INO80: variants seen among roughly 807,000 people sequenced by gnomAD.
INO80 encodes INO80 complex ATPase subunit.
In INO80, 20 loss-of-function variants were observed where a neutral mutation model predicts 203.4. The observed-to-expected ratio is 0.10, with a 90% CI of 0.07 to 0.14. The LOEUF (loss-of-function observed/expected upper bound fraction) is 0.14, where lower values mean the gene tolerates loss of function less well. Ranked by LOEUF, INO80 falls within the 10% of genes least tolerant of loss-of-function variation. The pLI, the probability that INO80 is intolerant of heterozygous loss-of-function variation, is 1.00. For missense variants in INO80, 1,419 were observed against 1,914.4 expected, an observed-to-expected ratio of 0.74 and a Z score of 4.83; for synonymous variants, 726 against 685.2, an observed-to-expected ratio of 1.06 and a Z score of -0.93.
intron 24 of INO80, among the ~76,000 whole-genome samples, chr15:41,031,091 A>G (rs2044453006): frequency 6.6e-6 from 1 of 152,230 alleles, no homozygotes; most frequent in South Asian, 2.1e-4. Context: ...CAAAATGCTC[A>G]ACATATAGCC....
intron 5 of INO80, among the ~76,000 whole-genome samples, chr15:41,088,799 T>C (rs1264558286): frequency 6.6e-6 from 1 of 152,164 alleles, no homozygotes; most frequent in African/African-American, 2.4e-5. Flanking sequence ...CTGTTAAAAA[T>C]CAAAATTAAA....
intron 26 of INO80, among the ~76,000 whole-genome samples, chr15:41,019,995 G>C (rs1228378644): frequency 6.6e-6 from 1 of 152,226 alleles, no homozygotes; most frequent in East Asian, 1.9e-4. Flanking sequence ...GCTGAGGCAG[G>C]CAGATCACGA....
chr15:41,069,619 G>A lies in INO80; in HGVS notation c.1733C>T (p.Thr578Ile). 6.2e-7 allele frequency: 1 copy of A among 1,612,174 alleles called. No individual in the cohort carries two copies. Among genetic ancestry groups the A allele is most frequent in the Non-Finnish European group, 8.5e-7 (1 of 1,178,884 alleles). Residue 578 changes from threonine (T) to isoleucine (I), a missense_variant, in exon 14 of 36, where the codon ACA becomes ATA. Coordinates refer to ENST00000648947, the MANE Select transcript of INO80 (RefSeq NM_017553.3). ...AAACTCCTGGTGCCAATTGTTAAGT[G>A]TAGACGCAGGTGAAATTATTAAGAA... ...GPFLIISPAS[T>I]LNNWHQEFTR...
chr15:41,091,204 G>C (rs1316320890), intron 5 of INO80, among the ~76,000 whole-genome samples: 1 of 152,108 alleles, frequency 6.6e-6, no homozygotes, highest in African/African-American at 2.4e-5. Context: ...GATTACAGGC[G>C]TGAGTCACTG....
At chr15:41,043,469 T>C (rs2044702436) in intron 24 of INO80, among the ~76,000 whole-genome samples, 1 of 152,174 alleles carries the variant, frequency 6.6e-6, no homozygotes, top group Admixed American at 6.6e-5. Flanking sequence ...TTAATTTGCA[T>C]TACTGATTCC....
intron 28 of INO80, among the ~76,000 whole-genome samples, chr15:41,000,212 G>GAT (rs2043940156): frequency 6.6e-6 from 1 of 152,120 alleles, no homozygotes; most frequent in Non-Finnish European, 1.5e-5. Flanking sequence ...GCTCCTCTCT[G>GAT]ATACCTGCGT....
chr15:41,036,313 G>A (rs923676376), intron 24 of INO80, among the ~76,000 whole-genome samples: 1 of 151,866 alleles, frequency 6.6e-6, no homozygotes, highest in Non-Finnish European at 1.5e-5. Context: ...CTACTACAGG[G>A]GCTAAAATCC....
intron 25 of INO80, among the ~76,000 whole-genome samples, chr15:41,025,477 G>A (rs1407284119): frequency 6.6e-6 from 1 of 152,134 alleles, no homozygotes; most frequent in Non-Finnish European, 1.5e-5. Flanking sequence ...CACTTTGGGA[G>A]GCTTAGGCAG....
chr15:40,986,216 T>C (rs1385472591), intron 31 of INO80, among the ~76,000 whole-genome samples: 1 of 151,982 alleles, frequency 6.6e-6, no homozygotes, highest in East Asian at 1.9e-4. Context: ...GCAAATTCAC[T>C]ACTGCTAAGG....
intron 9 of INO80, among the ~76,000 whole-genome samples, chr15:41,076,770 C>T (rs1411600584): frequency 3.3e-5 from 5 of 151,694 alleles, no homozygotes; most frequent in Non-Finnish European, 5.9e-5. Context: ...TCTAAAATAA[C>T]CTAAGAAAAA....
At chr15:41,105,480 CTG>C (rs1393787896) in intron 1 of INO80, among the ~76,000 whole-genome samples, 1 of 152,080 alleles carries the variant, frequency 6.6e-6, no homozygotes, top group Non-Finnish European at 1.5e-5. Flanking sequence ...TACAAAGAAA[CTG>C]AGCTTAACTA....
chr15:41,082,851 T>C (rs1485502122), intron 7 of INO80, among the ~76,000 whole-genome samples: 1 of 151,948 alleles, frequency 6.6e-6, no homozygotes, highest in South Asian at 2.1e-4. Context: ...TCCACTGCAC[T>C]CCAGCCTGGG....
chr15:41,053,694 ATCTT>A (rs2044928355), intron 19 of INO80, among the ~76,000 whole-genome samples: 1 of 152,206 alleles, frequency 6.6e-6, no homozygotes, highest in South Asian at 2.1e-4. Context: ...TCATTATACT[ATCTT>A]TCTATTTTTG....
intron 7 of INO80, 57 bp downstream of exon 7, chr15:41,085,312 G>C: frequency 7.0e-7 from 1 of 1,432,504 alleles, no homozygotes; most frequent in Non-Finnish European, 9.8e-7. Context: ...TTCCTCTTTA[G>C]TGGGTGGGGA....
At chr15:41,002,481 C>T (rs2043971501) in intron 28 of INO80, among the ~76,000 whole-genome samples, 1 of 152,170 alleles carries the variant, frequency 6.6e-6, no homozygotes, top group Non-Finnish European at 1.5e-5. Flanking sequence ...CCCTGGGTCT[C>T]ACAGCCCAGT....
intron 6 of INO80, among the ~76,000 whole-genome samples, chr15:41,085,839 A>T (rs2045554827): frequency 1.3e-5 from 2 of 152,208 alleles, no homozygotes; most frequent in Admixed American, 1.3e-4. Context: ...TGAAATACAG[A>T]ATAAAACCCG....
intron 10 of INO80, 24 bp from the exon 11 acceptor site, chr15:41,073,519 A>C: frequency 6.5e-7 from 1 of 1,546,834 alleles, no homozygotes; most frequent in Non-Finnish European, 8.9e-7. Context: ...TTTATGGATT[A>C]TCACACTTTA....
At chr15:41,029,974 C>A (rs2044435037) in intron 24 of INO80, among the ~76,000 whole-genome samples, 1 of 152,344 alleles carries the variant, frequency 6.6e-6, no homozygotes, top group South Asian at 2.1e-4. Context: ...CACTGTCAAT[C>A]AGACCATTCC....
intron 26 of INO80, among the ~76,000 whole-genome samples, chr15:41,020,507 A>C (rs1292271659): frequency 6.6e-6 from 1 of 152,186 alleles, no homozygotes; most frequent in Non-Finnish European, 1.5e-5. Context: ...CTAGTGCTTC[A>C]TGTAGGACAC....
Sources: gnomAD v4.1 joint callset for allele counts (sites outside exome capture counted in the v4.1 genomes callset) on GRCh38, gnomAD v4.1.1 for gene constraint, MANE v1.5 for transcripts, NCBI Gene and HGNC (gene_info 2026-07-23, HGNC 2026-07-21) for gene names.